Variants in TMEM59L observed in about 807,000 individuals in gnomAD.
TMEM59L encodes the protein transmembrane protein 59-like.
Under a neutral mutation model 39.6 loss-of-function variants are expected in TMEM59L, and 31 were observed. That is an observed-to-expected ratio of 0.78 (90% CI 0.59 to 1.06). The LOEUF is 1.06. Ranked by LOEUF, TMEM59L falls within the 50% of genes least tolerant of loss-of-function variation. TMEM59L has a pLI of 0.00. For synonymous variants in TMEM59L, 219 were observed against 202.9 expected (o/e 1.08, Z -0.68); for missense variants, 441 against 451.3 (o/e 0.98, Z 0.21).
At chr19:18,615,573 A>G (rs1976418553) in intron 3 of TMEM59L, among the ~76,000 whole-genome samples, 1 of 152,302 alleles carries the variant, frequency 6.6e-6, no homozygotes, top group Non-Finnish European at 1.5e-5. Context: ...ATCCAATCCA[A>G]GTGAATTCTC....
At chr19:18,613,303 C>A (rs1182013719) in intron 1 of TMEM59L, among the ~76,000 whole-genome samples, 174 bp downstream of exon 1, 1 of 152,090 alleles carries the variant, frequency 6.6e-6, no homozygotes, top group East Asian at 1.9e-4. Flanking sequence ...CTGGGGTTCC[C>A]TCTGATGGGG....
chr19:18,620,020 CAA>C (rs1186720019), intron 7 of TMEM59L, among the ~76,000 whole-genome samples: 31 of 125,522 alleles, frequency 2.5e-4, no homozygotes, highest in African/African-American at 3.9e-4. Context: ...CACACACACA[CAA>C]AAGTCCAGGT....
rs778310062 is a variant in TMEM59L, at chr19:18,615,976, G to A, written c.410G>A (p.Arg137Lys). Residue 137 changes from arginine to lysine, a missense_variant and splice_region_variant, in exon 4 of 8, where the codon AGA becomes AAA. Physicochemically the swap from Arg to Lys is conservative, Grantham distance 26. Transcript: ENST00000262817. ...GTGTCTTGGACCTTTTTTCACCAGA[G>A]AAAGGTCCTGGAGGCTCCAAGTGGG... The part of the protein sequence containing the change: ...QPAEPEPEQK[R>K]KVLEAPSGAL... 5 of 1,612,228 alleles carry A rather than the reference G, an allele frequency of 3.1e-6. No individual in the cohort carries two copies. Among genetic ancestry groups the A allele is most frequent in the Admixed American group, 1.7e-5 (1 of 59,610 alleles).
chr19:18,616,270 C>T, intron 4 of TMEM59L, 143 bp downstream of exon 4: 1 of 933,542 alleles, frequency 1.1e-6, no homozygotes, highest in Non-Finnish European at 1.6e-6. Flanking sequence ...GGCTCAGTGT[C>T]TCACTCCATG....
rs367906623 is a variant in TMEM59L, at chr19:18,614,086, C to T, written c.317-18C>T. 4.3e-6 allele frequency: 7 copies of T among 1,612,326 alleles called. No homozygotes were observed. In the African/African-American group the frequency reaches 5.3e-5, roughly 12 times the overall value. On this transcript the variant is annotated intron_variant, in intron 2 of 7. Coordinates refer to ENST00000262817, the MANE Select transcript of TMEM59L (RefSeq NM_012109.3). ...CTGGGAAGGGCCGTCCCCAGTCACC[C>T]GCTCCCACCTCCCACAGCCTGCGTG...
chr19:18,617,344 G>A (rs978137822), intron 5 of TMEM59L: 12 of 619,778 alleles, frequency 1.9e-5, no homozygotes, highest in East Asian at 6.6e-5. Context: ...CCATCTCCCC[G>A]GGTTCCATGG....
intron 1 of TMEM59L, 125 bp downstream of exon 1, chr19:18,613,254 G>A: frequency 9.5e-7 from 1 of 1,051,690 alleles, no homozygotes; most frequent in Non-Finnish European, 1.2e-6. Flanking sequence ...TGGGGAGGTG[G>A]GGGTCGGGAA....
In TMEM59L at chr19:18,620,768, G is replaced by C. The variant is rs561139662; in HGVS notation, c.*232G>C. 11 of 475,368 alleles carry C rather than the reference G, an allele frequency of 2.3e-5. No individual in the cohort carries two copies. Among genetic ancestry groups the C allele is most frequent in the African/African-American group, 2.1e-4 (11 of 51,226 alleles). 29.4% of individuals were successfully genotyped at this position (475,368 alleles called of 1,614,324 possible). A position where few individuals can be genotyped will look rare whatever the true frequency, so the allele number is the denominator to read the frequency against. The stretch of plus-strand genomic sequence containing the variant: ...CCTCCTTGTCCCCGCTTTCTTGGGG[G>C]CTTGCTACTTTTTGTCTTCTATTGT... On this transcript the variant is annotated 3_prime_UTR_variant, in exon 8 of 8. Transcript: ENST00000262817.
In TMEM59L at chr19:18,617,109, T is replaced by A. The variant is rs1479875547; in HGVS notation, c.664+7T>A. 1 of 1,610,034 alleles carries A rather than the reference T, an allele frequency of 6.2e-7. No individual in the cohort carries two copies. The highest frequency in any genetic ancestry group is 8.5e-7 in the Non-Finnish European group (1 of 1,176,972). ...GCCCTGGAGGTGCACGTGGGTAAGGTGCAACCTAGACCAGTGTTCCTTCCA... is the reference window on the plus strand; with the variant it reads ...GCCCTGGAGGTGCACGTGGGTAAGGAGCAACCTAGACCAGTGTTCCTTCCA... On this transcript the variant is annotated splice_region_variant and intron_variant, in intron 5 of 7. Coordinates refer to ENST00000262817, the MANE Select transcript of TMEM59L (RefSeq NM_012109.3).
Position 18,620,470 on chromosome 19 carries a change from G to A in TMEM59L, c.963G>A (p.Pro321=), listed in dbSNP as rs780131640. 5.6e-6 allele frequency: 9 copies of A among 1,613,496 alleles called. No homozygotes were observed. The East Asian group carries it at 6.7e-5, about 12-fold the overall frequency. Residue 321 remains proline (P), a synonymous_variant, in exon 8 of 8, where the codon CCG becomes CCA. Transcript: ENST00000262817. ...AGCCCGATTGGCCCCTGTACCCGCC[G>A]CCGTCCCACGCCTGTGAGGACAGCC... ...MMEPDWPLYP[P]PSHACEDSLP... is the part of the protein sequence containing the mutation.
Position 18,612,977 on chromosome 19 carries a change from A to ATGCCACCGCCGCTGCTGC in TMEM59L, c.23_40dup (p.Pro8_Leu13dup), listed in dbSNP as rs1048332661. 7.4e-7 allele frequency: 1 copy of ATGCCACCGCCGCTGCTGC among 1,343,240 alleles called. No individual in the cohort carries two copies. Among genetic ancestry groups the ATGCCACCGCCGCTGCTGC allele is most frequent in the Admixed American group, 3.7e-5 (1 of 26,884 alleles). The allele number at this position is 1,343,240 out of a possible 1,614,324, so 83.2% of individuals were successfully genotyped here. A position where few individuals can be genotyped will look rare whatever the true frequency, so the allele number is the denominator to read the frequency against. On this transcript the variant is annotated inframe_insertion, in exon 1 of 8. Transcript: ENST00000262817. The surrounding 1 kb of genome is among the most constrained non-coding windows in gnomAD (Gnocchi z 6.2). ...CCCGGCCATGGCTGCGGTGGCGCTGATGCCACCGCCGCTGCTGCTGCTGCT... is the reference window on the plus strand; with the variant it reads ...CCCGGCCATGGCTGCGGTGGCGCTGATGCCACCGCCGCTGCTGCTGCCACCGCCGCTGCTGCTGCTGCT...
intron 3 of TMEM59L, 74 bp downstream of exon 3, chr19:18,614,269 T>C: frequency 1.3e-6 from 2 of 1,487,656 alleles, no homozygotes; most frequent in South Asian, 1.2e-5. Flanking sequence ...GAAATCTTCA[T>C]TCACGTGCAG....
chr19:18,616,734 C>A (rs1976432455), intron 4 of TMEM59L, among the ~76,000 whole-genome samples: 1 of 152,156 alleles, frequency 6.6e-6, no homozygotes, highest in Admixed American at 6.5e-5. Flanking sequence ...TCTGATTGGC[C>A]CTGGCTGGAT....
chr19:18,619,849 A>G (rs1479896388), intron 7 of TMEM59L, among the ~76,000 whole-genome samples: 10 of 151,400 alleles, frequency 6.6e-5, no homozygotes, highest in Non-Finnish European at 1.3e-4. Context: ...GTGGAGGTGC[A>G]TGTTTATGAT....
At chr19:18,614,433 A>G (rs948878634) in intron 3 of TMEM59L, among the ~76,000 whole-genome samples, 3 of 152,220 alleles carry the variant, frequency 2.0e-5, no homozygotes, top group African/African-American at 7.2e-5. Flanking sequence ...CATTTATCAA[A>G]CATCTGTCCT....
In TMEM59L at chr19:18,614,182, A is replaced by T. The variant is rs1436484102; in HGVS notation, c.395A>T (p.Glu132Val). 6.2e-7 allele frequency: 1 copy of T among 1,600,720 alleles called. No homozygotes were observed. Among genetic ancestry groups the T allele is most frequent in the Non-Finnish European group, 8.5e-7 (1 of 1,175,518 alleles). ...HGCWSQPAEPEPEQKRKVLEA... is the reference protein window; with the variant it reads ...HGCWSQPAEPVPEQKRKVLEA... The stretch of plus-strand genomic sequence containing the variant: ...TGCTGGAGCCAGCCCGCGGAGCCTG[A>T]GCCGGAGCAGAAGGTGGGCCTCCCA... Residue 132 changes from glutamate (E) to valine (V), a missense_variant, in exon 3 of 8, where the codon GAG (glutamate) becomes GTG (valine). Physicochemically the swap from Glu to Val is moderately radical, Grantham distance 121. Coordinates refer to ENST00000262817, the MANE Select transcript of TMEM59L (RefSeq NM_012109.3).
intron 1 of TMEM59L, 64 bp from the exon 2 acceptor site, chr19:18,613,808 C>T (rs1363738689): frequency 2.3e-6 from 3 of 1,324,590 alleles, no homozygotes; most frequent in South Asian, 1.2e-5. Flanking sequence ...CTGAATGCTC[C>T]GGTCCCCCCA....
intron 7 of TMEM59L, among the ~76,000 whole-genome samples, chr19:18,620,022 A>AC (rs1555763696): frequency 1.1e-4 from 13 of 120,620 alleles, no homozygotes; most frequent in East Asian, 9.5e-4. Context: ...CACACACACA[A>AC]AAGTCCAGGT....
chr19:18,616,970 C>A, intron 4 of TMEM59L, 30 bp from the exon 5 acceptor site: 2 of 1,537,808 alleles, frequency 1.3e-6, no homozygotes, highest in Non-Finnish European at 8.9e-7. Flanking sequence ...TTCTCACAAG[C>A]CTCTCTGTGC....
Sources: gnomAD v4.1 joint callset for allele counts (sites outside exome capture counted in the v4.1 genomes callset) on GRCh38, gnomAD v4.1.1 for gene constraint, Gnocchi (gnomAD v3.1) non-coding constraint, MANE v1.5 for transcripts, NCBI Gene and HGNC (gene_info 2026-07-23, HGNC 2026-07-21) for gene names.